The following CYP2C19 variants were observed in gnomAD, a reference collection of about 807,000 sequenced individuals.
The protein encoded by CYP2C19 is cytochrome P450 family 2 subfamily C member 19, also known as cytochrome P450 2C19.
Under a neutral mutation model 40.9 loss-of-function variants are expected in CYP2C19, and 59 were observed. That is an observed-to-expected ratio of 1.44 (90% CI 1.17 to 1.79). The LOEUF is 1.79. CYP2C19 is among the 40% of genes most tolerant of loss of function. The pLI is 0.00. For missense variants in CYP2C19, 754 were observed against 596.9 expected (o/e 1.26, Z -2.74); for synonymous variants, 253 against 208.7 (o/e 1.21, Z -1.83).
At chr10:94,763,650 T>C (rs1397400984) in intron 1 of CYP2C19, among the ~76,000 whole-genome samples, 1 of 152,016 alleles carries the variant, frequency 6.6e-6, no homozygotes, top group Non-Finnish European at 1.5e-5. Context: ...AATGAGGCTG[T>C]AGTTATGAAG....
intron 5 of CYP2C19, among the ~76,000 whole-genome samples, chr10:94,797,907 G>A (rs1404695307): frequency 6.6e-6 from 1 of 151,834 alleles, no homozygotes; most frequent in Non-Finnish European, 1.5e-5. Context: ...CTTCCTAGTG[G>A]TCTATCAGTT....
chr10:94,821,816 G>T (rs1459715131), intron 6 of CYP2C19, among the ~76,000 whole-genome samples: 3 of 150,588 alleles, frequency 2.0e-5, no homozygotes, highest in Non-Finnish European at 4.4e-5. Flanking sequence ...TAGATTAAAG[G>T]GTAAAAATAC....
At chr10:94,781,468 T>A (rs1241366333) in intron 4 of CYP2C19, among the ~76,000 whole-genome samples, 1 of 152,124 alleles carries the variant, frequency 6.6e-6, no homozygotes, top group Non-Finnish European at 1.5e-5. Context: ...TTTTAACCTA[T>A]GCTATCATCT....
chr10:94,826,246 G>A (rs1004039865), intron 6 of CYP2C19, among the ~76,000 whole-genome samples: 2 of 152,046 alleles, frequency 1.3e-5, no homozygotes, highest in African/African-American at 4.8e-5. Flanking sequence ...AATTACCTTG[G>A]GCAGTATGGC....
At chr10:94,789,299 G>T (rs1482811839) in intron 5 of CYP2C19, among the ~76,000 whole-genome samples, 1 of 151,824 alleles carries the variant, frequency 6.6e-6, no homozygotes, top group Non-Finnish European at 1.5e-5. Flanking sequence ...TAGGTGGCCT[G>T]TTCACTCTGA....
At chr10:94,844,831 T>TC (rs1470286850) in intron 7 of CYP2C19, among the ~76,000 whole-genome samples, 1 of 152,180 alleles carries the variant, frequency 6.6e-6, no homozygotes, top group Admixed American at 6.5e-5. Context: ...TTATTTCTTC[T>TC]CCTATAACTA....
chr10:94,854,659 T>A lies in CYP2C19; in HGVS notation c.*1745T>A, dbSNP rs1441755831. Among the ~76,000 whole-genome samples the A allele has an allele frequency of 6.6e-6, 1 of 152,158 alleles. No homozygotes were observed. The highest frequency in any genetic ancestry group is 1.5e-5 in the Non-Finnish European group (1 of 68,034). ...CATCTATGCATGTGTGTGTACATTA[T>A]GTGCATTCACACATAATATATATAT... On this transcript the variant is annotated 3_prime_UTR_variant, in exon 9 of 9. Transcript: ENST00000371321.
intron 7 of CYP2C19, among the ~76,000 whole-genome samples, chr10:94,845,565 A>T (rs1849561027): frequency 6.6e-6 from 1 of 152,118 alleles, no homozygotes; most frequent in Non-Finnish European, 1.5e-5. Flanking sequence ...GATTCCAAAG[A>T]CTGAGTTTTA....
At chr10:94,820,418 T>C in intron 5 of CYP2C19, 78 bp from the exon 6 acceptor site, 1 of 1,507,338 alleles carries the variant, frequency 6.6e-7, no homozygotes. Context: ...AAGTATACAA[T>C]GTGAGTAATT....
chr10:94,834,689 CT>C (rs1391284334), intron 6 of CYP2C19, among the ~76,000 whole-genome samples: 1 of 152,146 alleles, frequency 6.6e-6, no homozygotes. Context: ...GTCCCTCCCA[CT>C]GTGCTTTCAG....
chr10:94,794,999 A>G (rs534193933), intron 5 of CYP2C19, among the ~76,000 whole-genome samples: 10 of 151,916 alleles, frequency 6.6e-5, no homozygotes, highest in Non-Finnish European at 2.9e-5. Flanking sequence ...TTCTTTATAT[A>G]TGTAAATATA....
chr10:94,852,440 C>T (rs188829435), intron 8 of CYP2C19, among the ~76,000 whole-genome samples: 2 of 152,298 alleles, frequency 1.3e-5, no homozygotes, highest in Admixed American at 6.5e-5. Context: ...ATGTAGCTGA[C>T]AGTCAATAAA....
chr10:94,771,953 C>A (rs987126449), intron 1 of CYP2C19, among the ~76,000 whole-genome samples: 15 of 152,250 alleles, frequency 9.9e-5, no homozygotes, highest in African/African-American at 3.4e-4. Context: ...CCCTGCCTGT[C>A]CTCGTAGACC....
chr10:94,780,835 A>G (rs1283286730), intron 4 of CYP2C19, among the ~76,000 whole-genome samples, 176 bp downstream of exon 4: 1 of 152,146 alleles, frequency 6.6e-6, no homozygotes, highest in Non-Finnish European at 1.5e-5. Flanking sequence ...TATGCACAGG[A>G]AATGAATATC....
At chr10:94,828,972 A>T (rs1220618926) in intron 6 of CYP2C19, among the ~76,000 whole-genome samples, 1 of 151,992 alleles carries the variant, frequency 6.6e-6, no homozygotes, top group Admixed American at 6.6e-5. Flanking sequence ...TCTTTTCTTT[A>T]AGAATGTTGA....
chr10:94,844,140 G>A (rs1050484090), intron 7 of CYP2C19, among the ~76,000 whole-genome samples: 2 of 152,132 alleles, frequency 1.3e-5, no homozygotes, highest in South Asian at 2.1e-4. Context: ...GTTTCCTAAT[G>A]TGAGTCTGTT....
chr10:94,826,837 AT>A (rs1849233297), intron 6 of CYP2C19, among the ~76,000 whole-genome samples: 1 of 152,274 alleles, frequency 6.6e-6, no homozygotes, highest in South Asian at 2.1e-4. Flanking sequence ...CATCCCATCA[AT>A]ACCTAATTTA....
chr10:94,793,927 C>G (rs906290492), intron 5 of CYP2C19, among the ~76,000 whole-genome samples: 1 of 152,132 alleles, frequency 6.6e-6, no homozygotes, highest in Non-Finnish European at 1.5e-5. Context: ...GTTTCTGCTG[C>G]CTTTTGTTCA....
At chr10:94,840,507 TGAA>T (rs1849475784) in intron 6 of CYP2C19, among the ~76,000 whole-genome samples, 1 of 151,988 alleles carries the variant, frequency 6.6e-6, no homozygotes, top group Admixed American at 6.6e-5. Flanking sequence ...CTAGAGGAAA[TGAA>T]AGTCTGAAAC....
Sources: gnomAD v4.1 joint callset for allele counts (sites outside exome capture counted in the v4.1 genomes callset) on GRCh38, gnomAD v4.1.1 for gene constraint, MANE v1.5 for transcripts, NCBI Gene and HGNC (gene_info 2026-07-23, HGNC 2026-07-21) for gene names.